Variants in STRAP observed in about 807,000 individuals in gnomAD.
The protein encoded by STRAP is serine-threonine kinase receptor-associated protein.
In STRAP, 16 loss-of-function variants were observed where a neutral mutation model predicts 47.0. The ratio of observed to expected loss-of-function variants is 0.34; its 90% CI spans 0.23 to 0.52. The LOEUF (loss-of-function observed/expected upper bound fraction) is 0.52, where lower values mean the gene tolerates loss of function less well. Ranked by LOEUF, STRAP falls within the 20% of genes least tolerant of loss-of-function variation. STRAP has a pLI of 0.96. For synonymous variants in STRAP, 130 were observed against 142.7 expected (o/e 0.91, Z 0.63); for missense variants, 293 against 420.0 (o/e 0.70, Z 2.64).
chr12:15,882,997 C>G, intron 1 of STRAP, 178 bp downstream of exon 1: 1 of 1,466,722 alleles, frequency 6.8e-7, no homozygotes, highest in Non-Finnish European at 9.2e-7. Context: ...GAATCCGCAG[C>G]TGGAGCCGAG....
chr12:15,900,871 TCTTCTTG>T, intron 8 of STRAP, 69 bp from the exon 9 acceptor site: 1 of 1,212,062 alleles, frequency 8.3e-7, no homozygotes, highest in African/African-American at 1.6e-5. Context: ...CTTATGTTGC[TCTTCTTG>T]CTTATTGAAC....
chr12:15,901,109 T>C lies in STRAP; in HGVS notation c.991+97T>C, dbSNP rs529960135. Reference sequence around the variant, plus strand: ...TCATTGGCAGAAGAAATTTATTAAATATGAACATATTTAAATAATGGAAAC... The same window carrying C: ...TCATTGGCAGAAGAAATTTATTAAACATGAACATATTTAAATAATGGAAAC... On this transcript the variant is annotated intron_variant, in intron 9 of 9. Transcript: ENST00000419869. 4.5e-5 allele frequency: 37 copies of C among 827,398 alleles called. No homozygotes were observed. The African/African-American group carries it at 5.1e-4, about 11-fold the overall frequency. 51.3% of individuals were successfully genotyped at this position (827,398 alleles called of 1,614,324 possible).
intron 4 of STRAP, among the ~76,000 whole-genome samples, chr12:15,893,091 C>T (rs546681874): frequency 6.6e-6 from 1 of 152,158 alleles, no homozygotes; most frequent in Non-Finnish European, 1.5e-5. Flanking sequence ...GCATTGCCTC[C>T]AGTGTCTGCT....
chr12:15,883,712 C>G lies in STRAP; in HGVS notation c.248+36C>G, dbSNP rs759960523. On this transcript the variant is annotated intron_variant, in intron 2 of 9. Transcript: ENST00000419869. ...CCAAGATGGCTAACTTTGGTGTTCT[C>G]TGTAGCTTGTGTCCTGAAATAATCA... 4 of 1,606,150 alleles carry G rather than the reference C, an allele frequency of 2.5e-6. No individual in the cohort carries two copies. The East Asian group carries it at 6.7e-5, about 27-fold the overall frequency.
rs1948058138 is a variant in STRAP at position 15,896,209 on chromosome 12, G to C, written c.638+713G>C. 6.6e-6 allele frequency among the ~76,000 whole-genome samples: 1 copy of C among 152,018 alleles called. No homozygotes were observed. Among genetic ancestry groups the C allele is most frequent in the Non-Finnish European group, 1.5e-5 (1 of 68,004 alleles). On this transcript the variant is annotated intron_variant, in intron 6 of 9. Coordinates refer to ENST00000419869, the MANE Select transcript of STRAP (RefSeq NM_007178.4). The surrounding 1 kb of genome is among the most constrained non-coding windows in gnomAD (Gnocchi z 4.1). ...TGGTCACACCACTGCATTCCAGCCTGGGTAACAGAGTGAGACTCTGTCTCA... is the reference window on the plus strand; with the variant it reads ...TGGTCACACCACTGCATTCCAGCCTCGGTAACAGAGTGAGACTCTGTCTCA...
intron 4 of STRAP, among the ~76,000 whole-genome samples, chr12:15,893,405 TATA>T (rs1224352515): frequency 4.7e-5 from 7 of 147,782 alleles, no homozygotes; most frequent in African/African-American, 1.7e-4. Context: ...TTATTAATAA[TATA>T]ATAAATACTT....
intron 9 of STRAP, among the ~76,000 whole-genome samples, chr12:15,901,338 T>C (rs1472964658): frequency 6.6e-6 from 1 of 152,078 alleles, no homozygotes; most frequent in Non-Finnish European, 1.5e-5. Flanking sequence ...AAGTGACATT[T>C]AAACTGGGAA....
chr12:15,900,121 A>G, intron 8 of STRAP, 68 bp downstream of exon 8: 1 of 1,459,472 alleles, frequency 6.9e-7, no homozygotes, highest in Non-Finnish European at 9.3e-7. Flanking sequence ...TTAATCATTA[A>G]TTTTATTTCA....
At chr12:15,898,401 C>G (rs1392406092) in intron 7 of STRAP, 1 of 155,426 alleles carries the variant, frequency 6.4e-6, no homozygotes, top group Non-Finnish European at 1.4e-5. Context: ...GTGTATAACC[C>G]CATCTACTTG....
Position 15,883,652 on chromosome 12 carries a change from C to G in STRAP, c.224C>G (p.Ala75Gly), listed in dbSNP as rs1475314480. ...CTGAATAAGGATGCCACCAAAGCAG[C>G]TACAGCAGCTGCAGATTTCACAGCG... ...ATLNKDATKA[A>G]TAAADFTAKV... Residue 75 changes from alanine (A) to glycine (G), a missense_variant, in exon 2 of 10, where the codon GCT (alanine) becomes GGT (glycine). By Grantham distance (60) the Ala-to-Gly change is moderately conservative. Around this residue, in one of 5 missense-constraint regions of STRAP, gnomAD observed 32 missense variants for 76.1 expected, o/e 0.42. Transcript: ENST00000419869. 1.9e-6 allele frequency: 3 copies of G among 1,614,210 alleles called. No individual in the cohort carries two copies. The highest frequency in any genetic ancestry group is 1.1e-5 in the South Asian group (1 of 91,082).
At chr12:15,898,174 G>C (rs1948075470) in intron 7 of STRAP, 156 bp downstream of exon 7, 4 of 578,054 alleles carry the variant, frequency 6.9e-6, no homozygotes, top group South Asian at 3.4e-5. Context: ...AAAAAGTAAA[G>C]GAGTTTTAAC....
intron 6 of STRAP, among the ~76,000 whole-genome samples, 172 bp from the exon 7 acceptor site, chr12:15,897,710 T>A (rs896074041): frequency 6.6e-6 from 1 of 151,206 alleles, no homozygotes; most frequent in Non-Finnish European, 1.5e-5. Flanking sequence ...TAGTATCCAT[T>A]TGATTTTTTT....
At position 15,890,741 on chromosome 12, in the gene STRAP, T is replaced by C. The variant is rs2136109698; in HGVS notation, c.403+72T>C. 7.5e-7 allele frequency: 1 copy of C among 1,327,034 alleles called. No individual in the cohort carries two copies. Among genetic ancestry groups the C allele is most frequent in the Non-Finnish European group, 1.1e-6 (1 of 947,984 alleles). The allele number at this position is 1,327,034 out of a possible 1,614,324, so 82.2% of individuals were successfully genotyped here. On this transcript the variant is annotated intron_variant, in intron 4 of 9. Coordinates refer to ENST00000419869, the MANE Select transcript of STRAP (RefSeq NM_007178.4). This position sits in a 1 kb window ranked among gnomAD's most constrained non-coding sequence, Gnocchi z 4.5. The stretch of plus-strand genomic sequence containing the variant: ...TTAAATAACTGATTAAAGAATTTCA[T>C]GCTCAGTACTCAAATTTGGAAAATA...
intron 7 of STRAP, 42 bp downstream of exon 7, chr12:15,898,060 T>A: frequency 6.4e-7 from 1 of 1,551,886 alleles, no homozygotes; most frequent in Non-Finnish European, 8.7e-7. Context: ...CTTTATCATA[T>A]GTTAAGTCCC....
chr12:15,898,065 A>G, intron 7 of STRAP, 47 bp downstream of exon 7: 1 of 1,531,390 alleles, frequency 6.5e-7, no homozygotes, highest in East Asian at 2.4e-5. Context: ...TCATATGTTA[A>G]GTCCCAGTAA....
intron 2 of STRAP, among the ~76,000 whole-genome samples, chr12:15,888,637 C>T (rs1449643050): frequency 6.6e-6 from 1 of 151,920 alleles, no homozygotes; most frequent in East Asian, 1.9e-4. Flanking sequence ...CTTCTTTTTC[C>T]CCTGATATAT....
At chr12:15,893,515 A>G (rs1244241091) in intron 4 of STRAP, among the ~76,000 whole-genome samples, 6 of 147,000 alleles carry the variant, frequency 4.1e-5, no homozygotes, top group Non-Finnish European at 9.0e-5. Flanking sequence ...TATAATAAAT[A>G]TATACTTTTT....
At position 15,894,246 on chromosome 12, in the gene STRAP, G is replaced by A. The variant is rs1221808546; in HGVS notation, c.500+103G>A. On this transcript the variant is annotated intron_variant, in intron 5 of 9. Coordinates refer to ENST00000419869, the MANE Select transcript of STRAP (RefSeq NM_007178.4). This position sits in a 1 kb window ranked among gnomAD's most constrained non-coding sequence, Gnocchi z 4.9. ...AGGCGAGCCGGGTGGATCATTAGAG[G>A]TCAGGAGTACTAGACCAGCCTGGCC... 2.4e-6 allele frequency: 2 copies of A among 849,680 alleles called. No homozygotes were observed. Among genetic ancestry groups the A allele is most frequent in the East Asian group, 2.6e-5 (1 of 37,782 alleles). The allele number at this position is 849,680 out of a possible 1,614,324, so 52.6% of individuals were successfully genotyped here.
At position 15,894,315 on chromosome 12, in the gene STRAP, C is replaced by A. The variant is rs911774259; in HGVS notation, c.500+172C>A. On this transcript the variant is annotated intron_variant, in intron 5 of 9. Transcript: ENST00000419869. This position sits in a 1 kb window ranked among gnomAD's most constrained non-coding sequence, Gnocchi z 4.9. ...CTCTATGAAAATTACAAAACTTAGC[C>A]AAGCGCGGTGGCACACACCTATAAT... 1.3e-5 allele frequency among the ~76,000 whole-genome samples: 2 copies of A among 152,134 alleles called. No individual in the cohort carries two copies. Among genetic ancestry groups the A allele is most frequent in the South Asian group, 2.1e-4 (1 of 4,830 alleles).
Sources: gnomAD v4.1 joint callset for allele counts (sites outside exome capture counted in the v4.1 genomes callset) on GRCh38, gnomAD v4.1.1 for gene constraint, gnomAD v4.1.1 regional missense constraint, Gnocchi (gnomAD v3.1) non-coding constraint, MANE v1.5 for transcripts, NCBI Gene and HGNC (gene_info 2026-07-23, HGNC 2026-07-21) for gene names.